Variants in RPA3 observed in about 807,000 individuals in gnomAD.
The protein encoded by RPA3 is replication protein A 14 kDa subunit.
A neutral mutation model predicts 13.7 loss-of-function variants in RPA3; 24 were observed. That is an observed-to-expected ratio of 1.75 (90% confidence interval 1.27 to 2.46). RPA3 has a LOEUF of 2.46. Ranked by LOEUF, RPA3 falls within the 30% of genes most tolerant of loss-of-function variation. The pLI, the probability that RPA3 is intolerant of heterozygous loss-of-function variation, is 0.00. For synonymous variants in RPA3, 59 were observed against 51.2 expected (o/e 1.15, Z -0.65); for missense variants, 183 against 151.0 (o/e 1.21, Z -1.11).
At chr7:7,703,583 T>TA (rs1428613611) in intron 2 of RPA3, among the ~76,000 whole-genome samples, 1 of 152,186 alleles carries the variant, frequency 6.6e-6, no homozygotes, top group Non-Finnish European at 1.5e-5. Flanking sequence ...TACAGGCACT[T>TA]ACAACACAGG....
Position 7,663,515 on chromosome 7 carries a change from CAG to C in RPA3, c.-758+22313_-758+22314del, listed in dbSNP as rs969416615. 1.5e-3 allele frequency among the ~76,000 whole-genome samples: 221 copies of C among 152,180 alleles called. 1 individual carries two copies. The highest frequency in any genetic ancestry group is 5.1e-3 in the African/African-American group (213 of 41,538). On this transcript the variant is annotated intron_variant, in intron 4 of 7. Transcript: ENST00000223129. ...AAAAAACCTAGGTGGGACGGAAAAA[CAG>C]GGGGAGAGTCTTTATGTAATACTAA...
rs1389153332 is a variant in RPA3 at position 7,702,614 on chromosome 7, A to G, written c.-1028+12561T>C. Among the ~76,000 whole-genome samples the G allele has an allele frequency of 2.0e-5, 3 of 152,320 alleles. No individual in the cohort carries two copies. In the East Asian group the frequency reaches 5.8e-4, roughly 29 times the overall value. On this transcript the variant is annotated intron_variant, in intron 2 of 7. Coordinates refer to ENST00000223129, the MANE Select transcript of RPA3 (RefSeq NM_002947.5). Reference sequence around the variant, plus strand: ...TTTATTTTCAAATGAACAGCCCTCAAAGATGAAAATAAAAAGCAAAAGTTT... The same window carrying G: ...TTTATTTTCAAATGAACAGCCCTCAGAGATGAAAATAAAAAGCAAAAGTTT...
In RPA3 at chr7:7,644,421, T is replaced by C. The variant is rs17545733; in HGVS notation, c.-757-3246A>G. Among the ~76,000 whole-genome samples, 630 of 152,142 alleles carry C rather than the reference T, an allele frequency of 4.1e-3. 2 individuals are homozygous for C. The highest frequency in any genetic ancestry group is 6.9e-3 in the Non-Finnish European group (470 of 68,008). Reference sequence around the variant, plus strand: ...AACATTTTCCCCCTTAAGTTTAATGTAGGAGAAAAGTCCATTAAAATCTCA... The same window carrying C: ...AACATTTTCCCCCTTAAGTTTAATGCAGGAGAAAAGTCCATTAAAATCTCA... On this transcript the variant is annotated intron_variant, in intron 4 of 7. Coordinates refer to ENST00000223129, the MANE Select transcript of RPA3 (RefSeq NM_002947.5).
chr7:7,644,558 G>A (rs1386592168), intron 4 of RPA3, among the ~76,000 whole-genome samples: 1 of 152,056 alleles, frequency 6.6e-6, no homozygotes, highest in African/African-American at 2.4e-5. Flanking sequence ...CACTCTTCAT[G>A]TATGTTGTCA....
At chr7:7,647,870 G>T (rs1267720216) in intron 4 of RPA3, among the ~76,000 whole-genome samples, 2 of 152,200 alleles carry the variant, frequency 1.3e-5, no homozygotes, top group African/African-American at 2.4e-5. Context: ...CTCTCAGAGT[G>T]CTAGGATTAC....
chr7:7,665,970 TA>T (rs958786914), intron 4 of RPA3, among the ~76,000 whole-genome samples: 22 of 151,400 alleles, frequency 1.5e-4, no homozygotes, highest in African/African-American at 4.4e-4. Flanking sequence ...TTTTGGTTAT[TA>T]AAAAAAAAGT....
chr7:7,707,164 C>A (rs1302022570), intron 2 of RPA3, among the ~76,000 whole-genome samples: 1 of 152,112 alleles, frequency 6.6e-6, no homozygotes, highest in Non-Finnish European at 1.5e-5. Flanking sequence ...ATGGAATAAA[C>A]AGGCAAAATC....
At chr7:7,682,017 T>C (rs565498639) in intron 4 of RPA3, among the ~76,000 whole-genome samples, 2 of 152,308 alleles carry the variant, frequency 1.3e-5, no homozygotes, top group South Asian at 2.1e-4. Flanking sequence ...GTTGGTTCAC[T>C]AATATTGTTG....
chr7:7,712,149 C>T (rs577598111), intron 2 of RPA3, among the ~76,000 whole-genome samples: 1 of 152,212 alleles, frequency 6.6e-6, no homozygotes, highest in Admixed American at 6.5e-5. Context: ...ACCATCTCAA[C>T]CTTCCTTTGT....
At position 7,640,312 on chromosome 7, in the gene RPA3, C is replaced by A. The variant is rs760632528; in HGVS notation, c.99+8G>T. On this transcript the variant is annotated splice_region_variant and intron_variant, in intron 5 of 7. Coordinates refer to ENST00000223129, the MANE Select transcript of RPA3 (RefSeq NM_002947.5). ...GACTTGGGAGCCCATGATTGCGAAC[C>A]CGCACACCTTTTCCAGCCTCCCTAC... 6.2e-7 allele frequency: 1 copy of A among 1,613,924 alleles called. No homozygotes were observed. Among genetic ancestry groups the A allele is most frequent in the Non-Finnish European group, 8.5e-7 (1 of 1,179,902 alleles).
intron 4 of RPA3, among the ~76,000 whole-genome samples, chr7:7,681,193 G>T (rs575515108): frequency 6.6e-6 from 1 of 152,206 alleles, no homozygotes; most frequent in South Asian, 2.1e-4. Flanking sequence ...TTCTAGAAAG[G>T]TCAGAGTAAA....
chr7:7,637,485 C>T (rs1784882926), intron 7 of RPA3, among the ~76,000 whole-genome samples: 1 of 152,000 alleles, frequency 6.6e-6, no homozygotes, highest in African/African-American at 2.4e-5. Flanking sequence ...AAATGTACCC[C>T]CATTTGCCTT....
intron 2 of RPA3, among the ~76,000 whole-genome samples, chr7:7,688,441 C>T (rs1780090083): frequency 6.6e-6 from 1 of 152,146 alleles, no homozygotes; most frequent in Admixed American, 6.6e-5. Flanking sequence ...TTTGCCTTTT[C>T]ACTGATTATC....
chr7:7,716,972 C>T (rs1006180068), intron 1 of RPA3, among the ~76,000 whole-genome samples: 3 of 152,128 alleles, frequency 2.0e-5, no homozygotes, highest in African/African-American at 4.8e-5. Context: ...CCTCTTCTTG[C>T]CCTGAACCCG....
intron 4 of RPA3, among the ~76,000 whole-genome samples, chr7:7,681,277 G>C (rs144946366): frequency 6.6e-6 from 1 of 152,088 alleles, no homozygotes; most frequent in South Asian, 2.1e-4. Context: ...AAGCATTTCT[G>C]CTTAACACAA....
At chr7:7,705,241 A>G (rs1437242650) in intron 2 of RPA3, among the ~76,000 whole-genome samples, 3 of 152,226 alleles carry the variant, frequency 2.0e-5, no homozygotes, top group Non-Finnish European at 4.4e-5. Context: ...CGAAGTTCGT[A>G]TAGTTGATGC....
intron 4 of RPA3, among the ~76,000 whole-genome samples, chr7:7,658,066 G>A (rs946039191): frequency 6.6e-6 from 1 of 151,872 alleles, no homozygotes; most frequent in Admixed American, 6.6e-5. Context: ...TTTATTCTCT[G>A]TAGCAATTGT....
chr7:7,656,479 A>G (rs187650897), intron 4 of RPA3, among the ~76,000 whole-genome samples: 168 of 152,172 alleles, frequency 1.1e-3, no homozygotes, highest in African/African-American at 3.5e-3. Flanking sequence ...CTTCCACCCC[A>G]TGACAGGCCC....
At chr7:7,683,032 A>G (rs1398121253) in intron 4 of RPA3, among the ~76,000 whole-genome samples, 1 of 152,202 alleles carries the variant, frequency 6.6e-6, no homozygotes, top group Admixed American at 6.5e-5. Context: ...TGTGGGGTAC[A>G]CCACCCTTCC....
Sources: allele counts gnomAD v4.1 joint callset (sites outside exome capture counted in the v4.1 genomes callset), GRCh38; gene constraint gnomAD v4.1.1; transcripts MANE v1.5; gene names NCBI Gene and HGNC (gene_info 2026-07-23, HGNC 2026-07-21).